The following DMXL2 variants were observed in gnomAD, a reference collection of about 807,000 sequenced individuals.
DMXL2 encodes the protein dmX-like protein 2.
A neutral mutation model predicts 331.1 loss-of-function variants in DMXL2; 103 were observed. That is an observed-to-expected ratio of 0.31 (90% CI 0.27 to 0.37). The LOEUF is 0.37. Among genes scored for constraint, DMXL2 ranks in the 10% least tolerant of loss-of-function variants. The pLI is 1.00. For missense variants in DMXL2, 3,171 were observed against 3,642.9 expected (o/e 0.87, Z 3.33); for synonymous variants, 1,281 against 1,252.1 (o/e 1.02, Z -0.49).
chr15:51,466,905 T>C (rs1027558073), intron 29 of DMXL2, among the ~76,000 whole-genome samples: 1 of 151,566 alleles, frequency 6.6e-6, no homozygotes, highest in African/African-American at 2.4e-5. Context: ...AAAAATCCCA[T>C]TTTTTTTAGT....
At position 51,622,472 on chromosome 15, in the gene DMXL2, TC is replaced by T; in HGVS notation, c.73del (p.Asp25MetfsTer64). On this transcript the variant is annotated frameshift_variant, in exon 1 of 44. Transcript: ENST00000560891. LOFTEE classifies it high-confidence loss of function. ...GCCGCCGCTCACCGTGAAGGGGACATCCCCGACGCTGCCCACGGAGTAGCAG... is the reference window on the plus strand; with the variant it reads ...GCCGCCGCTCACCGTGAAGGGGACATCCCGACGCTGCCCACGGAGTAGCAG... ...DNCYSVGSVG[D>X]VPFTAYGSGC... 1 of 1,565,452 alleles carries T rather than the reference TC, an allele frequency of 6.4e-7. No individual in the cohort carries two copies. Among genetic ancestry groups the T allele is most frequent in the Non-Finnish European group, 8.7e-7 (1 of 1,154,568 alleles).
At chr15:51,452,168 T>TAACA (rs1335837117) in intron 41 of DMXL2, among the ~76,000 whole-genome samples, 1 of 151,860 alleles carries the variant, frequency 6.6e-6, no homozygotes, top group African/African-American at 2.4e-5. Context: ...AACTTAAATC[T>TAACA]AACACTTGAA....
chr15:51,525,755 T>G (rs994433641), intron 13 of DMXL2, among the ~76,000 whole-genome samples: 1 of 151,856 alleles, frequency 6.6e-6, no homozygotes, highest in Non-Finnish European at 1.5e-5. Flanking sequence ...TGTCTTGTGG[T>G]TTGAGTACCA....
At chr15:51,558,570 T>C (rs1020752176) in intron 6 of DMXL2, among the ~76,000 whole-genome samples, 1 of 152,222 alleles carries the variant, frequency 6.6e-6, no homozygotes, top group Non-Finnish European at 1.5e-5. Flanking sequence ...AAATTGTTAG[T>C]TATTGGAACT....
intron 16 of DMXL2, among the ~76,000 whole-genome samples, chr15:51,506,611 G>A (rs1009479463): frequency 5.3e-5 from 8 of 151,848 alleles, no homozygotes; most frequent in Admixed American, 1.3e-4. Flanking sequence ...CCGCCACCAC[G>A]CCCGGCTAAT....
chr15:51,569,490 T>A (rs1307724221), intron 2 of DMXL2, among the ~76,000 whole-genome samples: 5 of 152,152 alleles, frequency 3.3e-5, no homozygotes, highest in Non-Finnish European at 7.4e-5. Flanking sequence ...CAGGACAGAC[T>A]GCCTCCTCAA....
Position 51,456,289 on chromosome 15 carries a change from A to ATT in DMXL2, c.8398+18_8398+19dup, listed in dbSNP as rs557865159. The ATT allele has an allele frequency of 4.4e-6, 7 of 1,596,064 alleles. No homozygotes were observed. Among genetic ancestry groups the ATT allele is most frequent in the Middle Eastern group, 1.7e-4 (1 of 5,978 alleles). On this transcript the variant is annotated intron_variant, in intron 38 of 43. Transcript: ENST00000560891. Reference sequence around the variant, plus strand: ...CCTCCAAATGAGGACACTTACAATTATTAGGTCATAAATACTTACAGTATT... The same window carrying ATT: ...CCTCCAAATGAGGACACTTACAATTATTTTAGGTCATAAATACTTACAGTATT...
chr15:51,576,034 G>A (rs1217824253), intron 2 of DMXL2, 22 bp downstream of exon 2: 1 of 1,585,570 alleles, frequency 6.3e-7, no homozygotes. Context: ...ATGACATTCA[G>A]TAAAGAAATT....
intron 5 of DMXL2, 63 bp downstream of exon 5, chr15:51,564,062 A>C: frequency 6.7e-7 from 1 of 1,496,128 alleles, no homozygotes; most frequent in African/African-American, 1.5e-5. Context: ...TTGTGAAAGG[A>C]AACATATTTT....
At position 51,457,392 on chromosome 15, in the gene DMXL2, T is replaced by C. The variant is rs2039722494; in HGVS notation, c.8273A>G (p.Gln2758Arg). Reference sequence around the variant, plus strand: ...TGGCAGAGATGAAGGTGGATGCACCTGACTTGCTGAATAGGATGTTGCACT... The same window carrying C: ...TGGCAGAGATGAAGGTGGATGCACCCGACTTGCTGAATAGGATGTTGCACT... ...QPSATSYSAS[Q>R]VHPPSSLPWL... Residue 2758 changes from glutamine (Q) to arginine (R), a missense_variant, in exon 37 of 44, where the codon CAG becomes CGG. Physicochemically the swap from Gln to Arg is conservative, Grantham distance 43. Coordinates refer to ENST00000560891, the MANE Select transcript of DMXL2 (RefSeq NM_001378457.1). 1 of 1,614,100 alleles carries C rather than the reference T, an allele frequency of 6.2e-7. No individual in the cohort carries two copies. Among genetic ancestry groups the C allele is most frequent in the African/African-American group, 1.3e-5 (1 of 74,938 alleles).
intron 37 of DMXL2, among the ~76,000 whole-genome samples, chr15:51,457,080 A>G (rs7164669): frequency 0.074 from 11,200 of 152,182 alleles, 564 homozygotes; most frequent in Non-Finnish European, 0.11. Context: ...GTTGAGATGG[A>G]AGGATCAATT....
intron 1 of DMXL2, among the ~76,000 whole-genome samples, chr15:51,612,075 C>A (rs1174323199): frequency 6.6e-5 from 10 of 152,200 alleles, no homozygotes; most frequent in Non-Finnish European, 1.2e-4. Context: ...CCGCGAAGGT[C>A]TGCGGCTCCA....
In DMXL2 at chr15:51,495,034, T is replaced by C; in HGVS notation, c.4773A>G (p.Leu1591=). 2 of 1,611,650 alleles carry C rather than the reference T, an allele frequency of 1.2e-6. No individual in the cohort carries two copies. Among genetic ancestry groups the C allele is most frequent in the Non-Finnish European group, 1.7e-6 (2 of 1,178,238 alleles). The part of the protein sequence containing the change: ...TSLPPLYRVQ[L]LHQGVSTCHF... ...CAGTGAGTGAATTACCTTGATGAAG[T>C]AGCTGCACTCGGTATAAAGGAGGCA... The change falls in exon 19 of 44, where the codon CTA becomes CTG. Residue 1591 remains leucine (L), a synonymous_variant. Transcript: ENST00000560891.
Position 51,448,849 on chromosome 15 carries a change from C to T in DMXL2, c.*135G>A, listed in dbSNP as rs1273745789. The T allele has an allele frequency of 2.3e-6, 2 of 861,914 alleles. No homozygotes were observed. The highest frequency in any genetic ancestry group is 1.7e-5 in the South Asian group (1 of 58,508). The allele number at this position is 861,914 out of a possible 1,614,324, so 53.4% of individuals were successfully genotyped here. On this transcript the variant is annotated 3_prime_UTR_variant, in exon 44 of 44. Transcript: ENST00000560891. ...ATTCCACCAACCTGTTTAGATAATA[C>T]TCAGCTTGGGTCATATTCAAATTCT...
intron 2 of DMXL2, among the ~76,000 whole-genome samples, chr15:51,570,635 T>C (rs1009067246): frequency 2.6e-5 from 4 of 152,138 alleles, no homozygotes; most frequent in Non-Finnish European, 4.4e-5. Flanking sequence ...TGGGGGCCAA[T>C]ATTCAACATT....
intron 1 of DMXL2, among the ~76,000 whole-genome samples, chr15:51,597,203 G>A (rs766770121): frequency 1.7e-4 from 26 of 152,156 alleles, no homozygotes; most frequent in Admixed American, 1.1e-3. Context: ...ATTAAAGTGA[G>A]TACATGTGTA....
At chr15:51,588,486 G>A (rs936310) in intron 1 of DMXL2, among the ~76,000 whole-genome samples, 3,249 of 152,050 alleles carry the variant, frequency 0.021, 56 homozygotes, top group Middle Eastern at 0.034. Context: ...CCACAATACT[G>A]TTTCTCAATT....
At chr15:51,500,310 A>G in intron 17 of DMXL2, 79 bp from the exon 18 acceptor site, 1 of 1,370,442 alleles carries the variant, frequency 7.3e-7, no homozygotes, top group East Asian at 2.5e-5. Flanking sequence ...AAATTCTGGA[A>G]TGTGATCAAT....
At chr15:51,508,739 A>T (rs915247888) in intron 15 of DMXL2, among the ~76,000 whole-genome samples, 1 of 152,244 alleles carries the variant, frequency 6.6e-6, no homozygotes, top group Non-Finnish European at 1.5e-5. Context: ...TGTCAATTAA[A>T]TGGAAATAAC....
Sources: gnomAD v4.1 joint callset for allele counts (sites outside exome capture counted in the v4.1 genomes callset) on GRCh38, gnomAD v4.1.1 for gene constraint, MANE v1.5 for transcripts, NCBI Gene and HGNC (gene_info 2026-07-23, HGNC 2026-07-21) for gene names.